Variants in RELN observed in about 807,000 individuals in gnomAD.
The protein encoded by RELN is reelin.
In RELN, 108 loss-of-function variants were observed where a neutral mutation model predicts 427.6. The ratio of observed to expected loss-of-function variants is 0.25; its 90% CI spans 0.22 to 0.30. The LOEUF is 0.30. RELN is among the 10% of genes least tolerant of loss of function. The pLI, the probability that RELN is intolerant of heterozygous loss-of-function variation, is 1.00. For missense variants in RELN, 3,715 were observed against 4,302.8 expected (o/e 0.86, Z 3.82); for synonymous variants, 1,524 against 1,513.4 (o/e 1.01, Z -0.16).
chr7:103,797,535 T>C (rs1792338367), intron 3 of RELN, among the ~76,000 whole-genome samples: 1 of 152,352 alleles, frequency 6.6e-6, no homozygotes, highest in Non-Finnish European at 1.5e-5. Context: ...GGTTCATTTG[T>C]CCTTAAGAAA....
chr7:103,975,976 T>C (rs989521724), intron 1 of RELN, among the ~76,000 whole-genome samples: 11 of 152,000 alleles, frequency 7.2e-5, no homozygotes, highest in Non-Finnish European at 1.0e-4. Flanking sequence ...GACAAGAGAA[T>C]AGCACTGCAA....
intron 1 of RELN, among the ~76,000 whole-genome samples, chr7:103,965,207 T>C (rs1796637605): frequency 6.6e-6 from 1 of 152,192 alleles, no homozygotes; most frequent in Non-Finnish European, 1.5e-5. Context: ...ACATCTATTT[T>C]TAAATCAAAA....
At chr7:103,757,594 T>C (rs661492) in intron 4 of RELN, among the ~76,000 whole-genome samples, 29,408 of 152,062 alleles carry the variant, frequency 0.19, 3,010 homozygotes, top group Middle Eastern at 0.28. Flanking sequence ...CTTAAAGAAG[T>C]GGGTTTTGGT....
chr7:103,606,122 C>T (rs987660264), intron 22 of RELN, among the ~76,000 whole-genome samples: 1 of 152,156 alleles, frequency 6.6e-6, no homozygotes, highest in African/African-American at 2.4e-5. Context: ...ACTTATGCAC[C>T]TTGTCATCCT....
chr7:103,591,196 C>T (rs1831408366), intron 27 of RELN, among the ~76,000 whole-genome samples: 1 of 152,162 alleles, frequency 6.6e-6, no homozygotes, highest in South Asian at 2.1e-4. Flanking sequence ...TTATTTACAT[C>T]TTATTTCATT....
chr7:103,502,988 C>G (rs1235548056), intron 52 of RELN, 28 bp downstream of exon 52: 2 of 1,586,804 alleles, frequency 1.3e-6, no homozygotes, highest in Non-Finnish European at 1.7e-6. Flanking sequence ...ATGCTTGGAA[C>G]CAGGCTTTGT....
chr7:103,873,945 T>TA (rs979383831), intron 2 of RELN, among the ~76,000 whole-genome samples: 2 of 138,698 alleles, frequency 1.4e-5, no homozygotes, highest in Non-Finnish European at 3.2e-5. Context: ...AACATTGAGG[T>TA]AAAAATCCTC....
At position 103,591,214 on chromosome 7, in the gene RELN, G is replaced by C. The variant is rs1436449335; in HGVS notation, c.3913-1386C>G. Among the ~76,000 whole-genome samples the C allele has an allele frequency of 2.0e-5, 3 of 151,998 alleles. No homozygotes were observed. In the East Asian group the frequency reaches 5.8e-4, roughly 29 times the overall value. ...TTTACATCTTATTTCATTTGTTGGC[G>C]GGAGCCACAAATTTTGTTGTAAAAG... On this transcript the variant is annotated intron_variant, in intron 27 of 64. Transcript: ENST00000428762.
At chr7:103,817,203 C>G (rs1339764829) in intron 3 of RELN, among the ~76,000 whole-genome samples, 1 of 152,136 alleles carries the variant, frequency 6.6e-6, no homozygotes, top group African/African-American at 2.4e-5. Context: ...GTTTTCCACT[C>G]TTCTGCTTAC....
intron 3 of RELN, among the ~76,000 whole-genome samples, chr7:103,813,595 C>T (rs1792797327): frequency 6.6e-6 from 1 of 151,892 alleles, no homozygotes; most frequent in Non-Finnish European, 1.5e-5. Flanking sequence ...TACAATAATG[C>T]TTCATTATAT....
rs868700791 is a variant in RELN, at chr7:103,599,006, A to T, written c.3334-2345T>A. Among the ~76,000 whole-genome samples, 9 of 152,314 alleles carry T rather than the reference A, an allele frequency of 5.9e-5. No homozygotes were observed. In the South Asian group the frequency reaches 1.9e-3, roughly 32 times the overall value. ...GGAAAATGGCCTCCAATTTCCCCCC[A>T]AATTCTAGGTTAAAATGATTTACTG... On this transcript the variant is annotated intron_variant, in intron 24 of 64. Coordinates refer to ENST00000428762, the MANE Select transcript of RELN (RefSeq NM_005045.4).
intron 2 of RELN, among the ~76,000 whole-genome samples, chr7:103,854,724 A>G (rs980871398): frequency 1.3e-5 from 2 of 152,142 alleles, no homozygotes; most frequent in Non-Finnish European, 2.9e-5. Flanking sequence ...CTACTGCGGT[A>G]CCCTTCAAGG....
At chr7:103,963,186 T>C (rs10257882) in intron 1 of RELN, among the ~76,000 whole-genome samples, 77,711 of 147,870 alleles carry the variant, frequency 0.53, 20,496 homozygotes, top group African/African-American at 0.61. Flanking sequence ...TCCTCATTCC[T>C]CTGTCTTCGC....
intron 50 of RELN, 52 bp from the exon 51 acceptor site, chr7:103,511,057 A>C: frequency 7.1e-7 from 1 of 1,406,756 alleles, no homozygotes. Flanking sequence ...AAAATACTTG[A>C]AGCAAATTTT....
chr7:103,653,669 T>C (rs1445223215), intron 13 of RELN, among the ~76,000 whole-genome samples: 1 of 152,048 alleles, frequency 6.6e-6, no homozygotes, highest in African/African-American at 2.4e-5. Flanking sequence ...CCTCAATCGG[T>C]AGCTCTAGTT....
chr7:103,483,998 G>T, intron 61 of RELN, 148 bp from the exon 62 acceptor site: 2 of 758,050 alleles, frequency 2.6e-6, no homozygotes, highest in Non-Finnish European at 4.3e-6. Context: ...TCCTGCCTCG[G>T]TCTCCCTAGT....
chr7:103,913,827 TTAC>T (rs1795422784), intron 2 of RELN, among the ~76,000 whole-genome samples: 1 of 152,208 alleles, frequency 6.6e-6, no homozygotes, highest in African/African-American at 2.4e-5. Flanking sequence ...TTAAAGTTAT[TTAC>T]TACTGTCACA....
chr7:103,789,741 T>C (rs1461804590), intron 3 of RELN, among the ~76,000 whole-genome samples: 1 of 152,174 alleles, frequency 6.6e-6, no homozygotes, highest in African/African-American at 2.4e-5. Context: ...GGTGGGAGTG[T>C]AAATTAGTTC....
chr7:103,579,028 C>T (rs1831066419), intron 28 of RELN, among the ~76,000 whole-genome samples: 2 of 152,222 alleles, frequency 1.3e-5, no homozygotes, highest in Admixed American at 6.5e-5. Flanking sequence ...ATCTAGAAAG[C>T]ATCTACAGCA....
Sources: allele counts gnomAD v4.1 joint callset (sites outside exome capture counted in the v4.1 genomes callset), GRCh38; gene constraint gnomAD v4.1.1; transcripts MANE v1.5; gene names NCBI Gene and HGNC (gene_info 2026-07-23, HGNC 2026-07-21).